The following CNTNAP2 variants were observed in gnomAD, a reference collection of about 807,000 sequenced individuals.
CNTNAP2 encodes the protein contactin-associated protein-like 2.
Under a neutral mutation model 155.2 loss-of-function variants are expected in CNTNAP2, and 98 were observed. The ratio of observed to expected loss-of-function variants is 0.63; its 90% confidence interval spans 0.54 to 0.75. CNTNAP2 has a LOEUF of 0.75. Ranked by LOEUF, CNTNAP2 falls within the 30% of genes least tolerant of loss-of-function variation. CNTNAP2 has a pLI of 0.00. For missense variants in CNTNAP2, 1,727 were observed against 1,688.1 expected (o/e 1.02, Z -0.40); for synonymous variants, 651 against 631.2 (o/e 1.03, Z -0.47).
chr7:148,217,941 A>G (rs137988867), intron 19 of CNTNAP2, among the ~76,000 whole-genome samples: 2,208 of 152,322 alleles, frequency 0.014, 40 homozygotes, highest in Middle Eastern at 0.041. Context: ...CCTGGCCAAT[A>G]TGGCGAAACC....
At chr7:146,556,433 G>T (rs1798198927) in intron 1 of CNTNAP2, among the ~76,000 whole-genome samples, 1 of 152,138 alleles carries the variant, frequency 6.6e-6, no homozygotes, top group Non-Finnish European at 1.5e-5. Context: ...GATAGGAGGG[G>T]TAATAACATA....
At chr7:147,088,767 A>AC (rs1381979481) in intron 4 of CNTNAP2, among the ~76,000 whole-genome samples, 2 of 151,782 alleles carry the variant, frequency 1.3e-5, no homozygotes, top group African/African-American at 4.8e-5. Context: ...ACATAGAGAG[A>AC]CCCCATCTCT....
At position 147,166,285 on chromosome 7, in the gene CNTNAP2, C is replaced by T. The variant is rs142171230; in HGVS notation, c.1348+33776C>T. On this transcript the variant is annotated intron_variant, in intron 8 of 23. Transcript: ENST00000361727. ...AGACTATTATTCTAAGTGAAGTATA[C>T]AAGGAATGGAAAACCAAACATCATA... Among the ~76,000 whole-genome samples the T allele has an allele frequency of 5.1e-3, 781 of 152,014 alleles. 8 individuals are homozygous for T. Among genetic ancestry groups the T allele is most frequent in the African/African-American group, 0.018 (748 of 41,352 alleles).
At chr7:147,524,411 G>A (rs373459553) in intron 11 of CNTNAP2, among the ~76,000 whole-genome samples, 39 of 152,266 alleles carry the variant, frequency 2.6e-4, no homozygotes, top group East Asian at 3.9e-4. Context: ...ACAAAAAAGC[G>A]TGGCTCTGTT....
At chr7:148,292,257 T>C (rs897158334) in intron 21 of CNTNAP2, among the ~76,000 whole-genome samples, 1 of 152,186 alleles carries the variant, frequency 6.6e-6, no homozygotes, top group African/African-American at 2.4e-5. Context: ...CATTAAGCCA[T>C]TCAGGTAAAG....
intron 13 of CNTNAP2, among the ~76,000 whole-genome samples, chr7:147,745,355 T>C (rs1037307341): frequency 6.6e-6 from 1 of 152,222 alleles, no homozygotes; most frequent in Non-Finnish European, 1.5e-5. Context: ...AGTTCAAGTA[T>C]GTAGCATAAT....
At chr7:146,835,961 G>C (rs1192223432) in intron 2 of CNTNAP2, among the ~76,000 whole-genome samples, 1 of 152,170 alleles carries the variant, frequency 6.6e-6, no homozygotes, top group East Asian at 1.9e-4. Context: ...AGTCGTTGCA[G>C]TTGCACAACC....
intron 15 of CNTNAP2, among the ~76,000 whole-genome samples, chr7:148,030,294 C>T (rs1412739461): frequency 6.6e-6 from 1 of 152,096 alleles, no homozygotes; most frequent in Non-Finnish European, 1.5e-5. Context: ...GTTTCTTAAT[C>T]GTTGTGCATA....
At chr7:146,174,383 G>C (rs924181729) in intron 1 of CNTNAP2, among the ~76,000 whole-genome samples, 1 of 151,914 alleles carries the variant, frequency 6.6e-6, no homozygotes, top group Non-Finnish European at 1.5e-5. Context: ...GCCACACCTG[G>C]CTAATTTTTG....
Position 147,364,623 on chromosome 7 carries a change from G to A in CNTNAP2, c.1499-30986G>A, listed in dbSNP as rs1796195225. ...TGTTGGTTAAAAATATTCCTAACCA[G>A]CGGATCACAAGGTCAGGAGATTGAG... On this transcript the variant is annotated intron_variant, in intron 9 of 23. Transcript: ENST00000361727. 1.3e-5 allele frequency among the ~76,000 whole-genome samples: 2 copies of A among 152,148 alleles called. 1 individual carries two copies. Among genetic ancestry groups the A allele is most frequent in the Admixed American group, 1.3e-4 (2 of 15,278 alleles).
At chr7:146,508,412 G>A (rs1797416848) in intron 1 of CNTNAP2, among the ~76,000 whole-genome samples, 1 of 152,226 alleles carries the variant, frequency 6.6e-6, no homozygotes, top group African/African-American at 2.4e-5. Context: ...ATGCAGCCAA[G>A]TGCCTGAGGC....
intron 8 of CNTNAP2, among the ~76,000 whole-genome samples, chr7:147,256,649 G>A (rs1020852389): frequency 3.3e-5 from 5 of 152,032 alleles, no homozygotes; most frequent in Non-Finnish European, 5.9e-5. Context: ...ACAGAAGCAG[G>A]GAACAGGATG....
At chr7:147,156,096 A>G (rs1350211015) in intron 8 of CNTNAP2, among the ~76,000 whole-genome samples, 1 of 152,154 alleles carries the variant, frequency 6.6e-6, no homozygotes, top group Non-Finnish European at 1.5e-5. Flanking sequence ...CTTGTATCAT[A>G]GAGTGTAATG....
At chr7:147,401,779 C>T (rs1038372322) in intron 10 of CNTNAP2, among the ~76,000 whole-genome samples, 8 of 152,164 alleles carry the variant, frequency 5.3e-5, no homozygotes, top group African/African-American at 1.9e-4. Context: ...ACTCTCTCTC[C>T]TGCTGCCATG....
intron 15 of CNTNAP2, among the ~76,000 whole-genome samples, chr7:148,011,716 T>G (rs1802085676): frequency 6.6e-6 from 1 of 152,212 alleles, no homozygotes; most frequent in Admixed American, 6.5e-5. Flanking sequence ...TTGGCTTGGC[T>G]TTTCTTGGAC....
rs1467246256 is a variant in CNTNAP2, at chr7:147,636,130, TA to T, written c.1898-2973del. Reference sequence around the variant, plus strand: ...TGGCTTCTTTGCTTATCAGAAGAACTAAAGGAAGGCAGTTACAAAGAGGCTA... The same window carrying T: ...TGGCTTCTTTGCTTATCAGAAGAACTAAGGAAGGCAGTTACAAAGAGGCTA... On this transcript the variant is annotated intron_variant, in intron 12 of 23. Coordinates refer to ENST00000361727, the MANE Select transcript of CNTNAP2 (RefSeq NM_014141.6). Among the ~76,000 whole-genome samples the T allele has an allele frequency of 2.4e-3, 366 of 151,402 alleles. 1 individual carries two copies. The highest frequency in any genetic ancestry group is 8.6e-3 in the African/African-American group (351 of 40,690).
At chr7:148,001,800 A>G (rs916203834) in intron 15 of CNTNAP2, among the ~76,000 whole-genome samples, 7 of 152,160 alleles carry the variant, frequency 4.6e-5, no homozygotes, top group African/African-American at 1.4e-4. Context: ...TTACAAAAAT[A>G]TTTCTGTAAA....
At chr7:147,459,251 AG>A (rs1433269295) in intron 10 of CNTNAP2, among the ~76,000 whole-genome samples, 3 of 152,212 alleles carry the variant, frequency 2.0e-5, no homozygotes, top group African/African-American at 7.2e-5. Flanking sequence ...GCCATCGGGT[AG>A]GTCATTCCAT....
intron 13 of CNTNAP2, among the ~76,000 whole-genome samples, chr7:147,715,530 T>C (rs373625237): frequency 6.6e-6 from 1 of 152,130 alleles, no homozygotes; most frequent in South Asian, 2.1e-4. Context: ...CTTTTGCCCA[T>C]TTTCTAATTT....
Sources: gnomAD v4.1 joint callset for allele counts (sites outside exome capture counted in the v4.1 genomes callset) on GRCh38, gnomAD v4.1.1 for gene constraint, MANE v1.5 for transcripts, NCBI Gene and HGNC (gene_info 2026-07-23, HGNC 2026-07-21) for gene names.